FHIT: variants seen among roughly 807,000 people sequenced by gnomAD.
The protein encoded by FHIT is fragile histidine triad diadenosine triphosphatase, also known as bis(5'-adenosyl)-triphosphatase.
Under a neutral mutation model 17.9 loss-of-function variants are expected in FHIT, and 19 were observed. The ratio of observed to expected loss-of-function variants is 1.06; its 90% confidence interval spans 0.74 to 1.56. The LOEUF is 1.56. FHIT is among the 40% of genes most tolerant of loss of function. The pLI is 0.00. For missense variants in FHIT, 248 were observed against 189.2 expected, an observed-to-expected ratio of 1.31 and a Z score of -1.82; for synonymous variants, 81 against 69.7, an observed-to-expected ratio of 1.16 and a Z score of -0.81.
At chr3:60,478,155 C>T (rs61446657) in intron 5 of FHIT, among the ~76,000 whole-genome samples, 5,742 of 152,220 alleles carry the variant, frequency 0.038, 334 homozygotes, top group African/African-American at 0.13. Flanking sequence ...CACTACCAAA[C>T]ATAATTCTTC....
chr3:60,791,516 T>C (rs1700775677), intron 4 of FHIT, among the ~76,000 whole-genome samples: 1 of 152,120 alleles, frequency 6.6e-6, no homozygotes, highest in Non-Finnish European at 1.5e-5. Flanking sequence ...TTATTTCACA[T>C]CAACAATGAA....
chr3:59,910,525 A>C (rs562502023), intron 8 of FHIT, among the ~76,000 whole-genome samples: 60 of 152,252 alleles, frequency 3.9e-4, no homozygotes, highest in African/African-American at 1.4e-3. Context: ...GAAGAAAATG[A>C]GTCTCTGGTC....
chr3:61,222,805 A>T (rs1465572224), intron 1 of FHIT, among the ~76,000 whole-genome samples: 1 of 152,190 alleles, frequency 6.6e-6, no homozygotes, highest in Non-Finnish European at 1.5e-5. Context: ...GGGGGAATCA[A>T]GGCAACGGAA....
At chr3:60,457,288 C>A (rs2032164721) in intron 5 of FHIT, among the ~76,000 whole-genome samples, 1 of 152,190 alleles carries the variant, frequency 6.6e-6, no homozygotes, top group Non-Finnish European at 1.5e-5. Flanking sequence ...ATATCTACAA[C>A]CACCTGATCT....
In FHIT at chr3:60,636,627, G is replaced by A. The variant is rs113054650; in HGVS notation, c.-17-99648C>T. 3.1e-3 allele frequency among the ~76,000 whole-genome samples: 475 copies of A among 152,164 alleles called. 2 individuals carry two copies. The highest frequency in any genetic ancestry group is 0.011 in the African/African-American group (458 of 41,524). On this transcript the variant is annotated intron_variant, in intron 4 of 9. Coordinates refer to ENST00000492590, the MANE Select transcript of FHIT (RefSeq NM_002012.4). ...TTTTCCAATTAAGAGGCTTTCCCCC[G>A]CTATGAAGTAAGCAGGCATCACCAG...
At chr3:60,550,423 C>G (rs9850904) in intron 4 of FHIT, among the ~76,000 whole-genome samples, 1 of 151,912 alleles carries the variant, frequency 6.6e-6, no homozygotes, top group Non-Finnish European at 1.5e-5. Flanking sequence ...CATTTTTATA[C>G]AAAGAGAATT....
rs537592550 is a variant in FHIT at position 60,159,268 on chromosome 3, C to G, written c.104-145116G>C. 3.3e-5 allele frequency among the ~76,000 whole-genome samples: 5 copies of G among 152,172 alleles called. No individual in the cohort carries two copies. The Middle Eastern group carries it at 0.01, about 313-fold the overall frequency. On this transcript the variant is annotated intron_variant, in intron 5 of 9. Coordinates refer to ENST00000492590, the MANE Select transcript of FHIT (RefSeq NM_002012.4). ...TCCAACTAGCTGAGACTACAGGTGC[C>G]TGCCACCACACCCAGCTAATTTTTG... is the stretch of plus-strand genomic sequence containing the variant.
chr3:59,808,225 T>A (rs1021786919), intron 8 of FHIT, among the ~76,000 whole-genome samples: 5 of 152,162 alleles, frequency 3.3e-5, no homozygotes, highest in Non-Finnish European at 7.4e-5. Context: ...TTTTTTAACA[T>A]AATGAAAATT....
chr3:60,648,819 C>T (rs563167851), intron 4 of FHIT, among the ~76,000 whole-genome samples: 15 of 152,130 alleles, frequency 9.9e-5, no homozygotes, highest in Non-Finnish European at 2.2e-4. Flanking sequence ...AAGCCAGAGA[C>T]TCCCTTCTCA....
intron 5 of FHIT, among the ~76,000 whole-genome samples, chr3:60,408,915 A>C (rs1701969174): frequency 6.6e-6 from 1 of 152,140 alleles, no homozygotes; most frequent in African/African-American, 2.4e-5. Context: ...CCATAGATTA[A>C]AGAATGGATA....
rs552219950 is a variant in FHIT at position 60,894,172 on chromosome 3, G to A, written c.-110-72161C>T. 5.2e-4 allele frequency among the ~76,000 whole-genome samples: 79 copies of A among 152,280 alleles called. 2 individuals are homozygous for A. The South Asian group carries it at 0.016, about 30-fold the overall frequency. ...TCTGAAACAAAAGATGGGAAAGGAT[G>A]ACATTCATTCTTAACCTCGTGTATA... On this transcript the variant is annotated intron_variant, in intron 3 of 9. Coordinates refer to ENST00000492590, the MANE Select transcript of FHIT (RefSeq NM_002012.4).
chr3:60,888,960 A>C (rs1259248448), intron 3 of FHIT, among the ~76,000 whole-genome samples: 2 of 152,180 alleles, frequency 1.3e-5, no homozygotes, highest in African/African-American at 4.8e-5. Context: ...TCAAAGAATA[A>C]ATATGCCAGT....
At chr3:60,264,259 T>G (rs949827885) in intron 5 of FHIT, among the ~76,000 whole-genome samples, 2 of 151,980 alleles carry the variant, frequency 1.3e-5, no homozygotes, top group African/African-American at 4.8e-5. Context: ...TTCTCAAGTA[T>G]AGACATGATA....
At chr3:60,570,379 T>C (rs1448540612) in intron 4 of FHIT, among the ~76,000 whole-genome samples, 2 of 152,134 alleles carry the variant, frequency 1.3e-5, no homozygotes, top group Admixed American at 6.5e-5. Flanking sequence ...TACTCGTTGG[T>C]AATACATCTC....
chr3:60,314,063 G>T (rs572903037), intron 5 of FHIT, among the ~76,000 whole-genome samples: 46 of 152,144 alleles, frequency 3.0e-4, no homozygotes, highest in African/African-American at 1.1e-3. Flanking sequence ...AAATGAAGCC[G>T]AATAGTTTAA....
At chr3:59,775,263 A>G (rs1202339728) in intron 8 of FHIT, among the ~76,000 whole-genome samples, 3 of 152,180 alleles carry the variant, frequency 2.0e-5, no homozygotes, top group Non-Finnish European at 2.9e-5. Flanking sequence ...TTCTCCTACC[A>G]GGTTCAAACC....
chr3:60,051,708 C>T (rs1430996811), intron 5 of FHIT, among the ~76,000 whole-genome samples: 2 of 152,138 alleles, frequency 1.3e-5, no homozygotes, highest in East Asian at 1.9e-4. Flanking sequence ...GTGGAGGTTT[C>T]CCTTCAATGC....
intron 7 of FHIT, among the ~76,000 whole-genome samples, chr3:59,946,793 T>C (rs529298313): frequency 5.3e-5 from 8 of 152,358 alleles, no homozygotes; most frequent in African/African-American, 1.9e-4. Flanking sequence ...TTTTTAGTTC[T>C]GTTTTTGTGA....
chr3:61,212,036 A>G (rs1192365513), intron 1 of FHIT, among the ~76,000 whole-genome samples: 2 of 152,352 alleles, frequency 1.3e-5, no homozygotes, highest in South Asian at 2.1e-4. Context: ...AAGTAGATAA[A>G]ACCACAAAGA....
Sources: gnomAD v4.1 joint callset for allele counts (sites outside exome capture counted in the v4.1 genomes callset) on GRCh38, gnomAD v4.1.1 for gene constraint, MANE v1.5 for transcripts, NCBI Gene and HGNC (gene_info 2026-07-23, HGNC 2026-07-21) for gene names.